The following TMEM168 variants were observed in gnomAD, a reference collection of about 807,000 sequenced individuals.
The protein encoded by TMEM168 is transmembrane protein 168.
TMEM168 carries 40 observed loss-of-function variants against 53.2 expected under a neutral mutation model. That is an observed-to-expected ratio of 0.75 (90% CI 0.58 to 0.98). TMEM168 has a LOEUF of 0.98. Among genes scored for constraint, TMEM168 ranks in the 50% least tolerant of loss-of-function variants. The pLI, the probability that TMEM168 is intolerant of heterozygous loss-of-function variation, is 0.00. For missense variants in TMEM168, 771 were observed against 828.8 expected (o/e 0.93, Z 0.86); for synonymous variants, 282 against 293.0 (o/e 0.96, Z 0.38).
rs1793311849 is a variant in TMEM168, at chr7:112,784,225, C to A, written c.601G>T (p.Ala201Ser). 1 of 1,613,680 alleles carries A rather than the reference C, an allele frequency of 6.2e-7. No homozygotes were observed. Among genetic ancestry groups the A allele is most frequent in the Non-Finnish European group, 8.5e-7 (1 of 1,179,936 alleles). Reference sequence around the variant, plus strand: ...GCAAAAATAACTAAGTTTGGAATAGCTAAGAAAGATTTCATTCTCAGATCA... The same window carrying A: ...GCAAAAATAACTAAGTTTGGAATAGATAAGAAAGATTTCATTCTCAGATCA... Reference protein sequence around the residue: ...IIDLRMKSFLAIPNLVIFAVL... With the variant: ...IIDLRMKSFLSIPNLVIFAVL... Residue 201 changes from alanine to serine, a missense_variant, in exon 2 of 5, where the codon GCT becomes TCT. Coordinates refer to ENST00000312814, the MANE Select transcript of TMEM168 (RefSeq NM_022484.6).
intron 1 of TMEM168, among the ~76,000 whole-genome samples, chr7:112,789,850 C>T (rs1022374266): frequency 1.3e-5 from 2 of 152,378 alleles, no homozygotes; most frequent in Non-Finnish European, 2.9e-5. Flanking sequence ...AGCAATTTCT[C>T]TCCCTTTCGG....
At chr7:112,774,358 C>CA (rs1377014728) in intron 3 of TMEM168, among the ~76,000 whole-genome samples, 6 of 117,278 alleles carry the variant, frequency 5.1e-5, no homozygotes, top group African/African-American at 1.8e-4. Flanking sequence ...AGTGTTTTTA[C>CA]ATTTTTTTTT....
Position 112,767,692 on chromosome 7 carries a change from A to G in TMEM168, c.1599T>C (p.Asn533=). 2 of 1,613,994 alleles carry G rather than the reference A, an allele frequency of 1.2e-6. No homozygotes were observed. The highest frequency in any genetic ancestry group is 1.7e-6 in the Non-Finnish European group (2 of 1,179,978). Residue 533 remains asparagine, a synonymous_variant, in exon 5 of 5, where the codon AAT becomes AAC. Coordinates refer to ENST00000312814, the MANE Select transcript of TMEM168 (RefSeq NM_022484.6). The part of the protein sequence containing the change: ...DTLIEWWREK[N]GSFCSRLIIV... ...TAATAAGCCGGGAACAAAAGGAACC[A>G]TTCTTTTCTCTCCACCATTCTATAA...
chr7:112,780,716 C>A (rs577296903), intron 2 of TMEM168, among the ~76,000 whole-genome samples: 1 of 152,108 alleles, frequency 6.6e-6, no homozygotes, highest in Admixed American at 6.5e-5. Flanking sequence ...AGAGCAAGAC[C>A]CTGTCTCAAA....
intron 4 of TMEM168, among the ~76,000 whole-genome samples, chr7:112,768,942 A>G (rs1434455537): frequency 6.6e-6 from 1 of 152,254 alleles, no homozygotes; most frequent in African/African-American, 2.4e-5. Context: ...TAGAAAAAGC[A>G]TGACAGTACA....
chr7:112,775,752 G>T (rs1227166), intron 2 of TMEM168, among the ~76,000 whole-genome samples: 4,816 of 152,110 alleles, frequency 0.032, 242 homozygotes, highest in African/African-American at 0.11. Context: ...TTAGAAAGGG[G>T]TCATTTTTTC....
intron 1 of TMEM168, among the ~76,000 whole-genome samples, chr7:112,785,715 A>G (rs968501212): frequency 9.9e-5 from 15 of 152,222 alleles, no homozygotes; most frequent in Admixed American, 2.6e-4. Context: ...AATTCTACTT[A>G]AACAAACGTT....
chr7:112,773,387 T>C (rs1488673637), intron 3 of TMEM168, among the ~76,000 whole-genome samples: 1 of 152,098 alleles, frequency 6.6e-6, no homozygotes, highest in African/African-American at 2.4e-5. Flanking sequence ...AAAGCAGGAT[T>C]ACACTGTTTC....
Position 112,762,482 on chromosome 7 carries a change from C to T in TMEM168, c.*4715G>A, listed in dbSNP as rs1366291282. 3 of 152,002 alleles carry T rather than the reference C, an allele frequency of 2.0e-5. No individual in the cohort carries two copies. Among genetic ancestry groups the T allele is most frequent in the African/African-American group, 7.2e-5 (3 of 41,420 alleles). 9.4% of individuals were successfully genotyped at this position (152,002 alleles called of 1,614,324 possible). A position where few individuals can be genotyped will look rare whatever the true frequency, so the allele number is the denominator to read the frequency against. ...ACACTGCTTGTCTAGGAAGCTATGT[C>T]ATACTCATTTGTCCCTTGCACACTG... On this transcript the variant is annotated 3_prime_UTR_variant, in exon 5 of 5. Transcript: ENST00000312814.
rs1792968072 is a variant in TMEM168, at chr7:112,772,961, C to CA, written c.1365dup (p.Ala456CysfsTer6). 1 of 1,613,942 alleles carries CA rather than the reference C, an allele frequency of 6.2e-7. No homozygotes were observed. On this transcript the variant is annotated frameshift_variant, in exon 4 of 5. Transcript: ENST00000312814. LOFTEE classifies it high-confidence loss of function. ...CCATAGGTCTCAATCATATGATATGCAAAAAATCTTTGGATAGCATTGAGC... is the reference window on the plus strand; with the variant it reads ...CCATAGGTCTCAATCATATGATATGCAAAAAAATCTTTGGATAGCATTGAGC...
Position 112,767,300 on chromosome 7 carries a change from C to CA in TMEM168, c.1990dup (p.Trp664LeufsTer8). On this transcript the variant is annotated frameshift_variant, in exon 5 of 5. Transcript: ENST00000312814. LOFTEE classifies it high-confidence loss of function. Reference sequence around the variant, plus strand: ...GCACCTAAAACAAGTTTTGCAGATCCAAAAAAGGTTCAGACCGCATAACCA... The same window carrying CA: ...GCACCTAAAACAAGTTTTGCAGATCCAAAAAAAGGTTCAGACCGCATAACCA... 6.2e-7 allele frequency: 1 copy of CA among 1,614,012 alleles called. No homozygotes were observed. The highest frequency in any genetic ancestry group is 1.1e-5 in the South Asian group (1 of 91,080).
intron 4 of TMEM168, among the ~76,000 whole-genome samples, chr7:112,770,694 T>C (rs1303416204): frequency 6.6e-6 from 1 of 152,190 alleles, no homozygotes; most frequent in Non-Finnish European, 1.5e-5. Flanking sequence ...ACATCTAGAA[T>C]TGATTTCCAT....
chr7:112,780,984 A>G (rs1224262423), intron 2 of TMEM168, among the ~76,000 whole-genome samples: 2 of 151,650 alleles, frequency 1.3e-5, no homozygotes, highest in African/African-American at 4.9e-5. Context: ...CAGATAGTTA[A>G]TATTTTGTTT....
At chr7:112,769,165 A>G (rs1051720854) in intron 4 of TMEM168, among the ~76,000 whole-genome samples, 2 of 152,324 alleles carry the variant, frequency 1.3e-5, no homozygotes, top group East Asian at 1.9e-4. Flanking sequence ...GGATTCTATC[A>G]TATTCTTTAT....
chr7:112,779,781 A>G (rs969065733), intron 2 of TMEM168, among the ~76,000 whole-genome samples: 4 of 152,234 alleles, frequency 2.6e-5, no homozygotes, highest in Non-Finnish European at 5.9e-5. Flanking sequence ...AATTTTTCAG[A>G]TAACAGGAAC....
Position 112,784,456 on chromosome 7 carries a change from T to C in TMEM168, c.370A>G (p.Lys124Glu). Residue 124 changes from lysine to glutamate, a missense_variant, in exon 2 of 5, where the codon AAA becomes GAA. Lys to Glu is a moderately conservative substitution (Grantham distance 56). Transcript: ENST00000312814. The stretch of plus-strand genomic sequence containing the variant: ...ACTATGGATGTTAGAAGCAAATATT[T>C]GGTTGATTCTTCTTTTACATCATTT... ...FKNDVKEEST[K>E]YLLLTSIVLR... The C allele has an allele frequency of 6.2e-7, 1 of 1,614,056 alleles. No homozygotes were observed. Among genetic ancestry groups the C allele is most frequent in the Non-Finnish European group, 8.5e-7 (1 of 1,179,978 alleles).
intron 2 of TMEM168, among the ~76,000 whole-genome samples, chr7:112,776,756 GTTT>G (rs1284683369): frequency 3.5e-5 from 5 of 143,534 alleles, no homozygotes; most frequent in South Asian, 4.4e-4. Flanking sequence ...TCATGTGTAT[GTTT>G]TTTTTTTTTA....
chr7:112,780,805 A>T (rs1718933), intron 2 of TMEM168, among the ~76,000 whole-genome samples: 4,798 of 152,220 alleles, frequency 0.032, 242 homozygotes, highest in African/African-American at 0.11. Context: ...AATGTCTAGG[A>T]ACGGAAAACA....
chr7:112,767,483 A>G lies in TMEM168; in HGVS notation c.1808T>C (p.Ile603Thr). Residue 603 changes from isoleucine to threonine, a missense_variant, in exon 5 of 5, where the codon ATC becomes ACC. By Grantham distance (89) the Ile-to-Thr change is moderately conservative (BLOSUM62 -1). Transcript: ENST00000312814. ...TGTGCGTCCCTTTTCAGTCCAGCAG[A>G]TGTTATTACTGGAGTTGCAGTTATA... The part of the protein sequence containing the change: ...VEYNCNSSNN[I>T]CWTEKGRTVK... 1 of 1,614,144 alleles carries G rather than the reference A, an allele frequency of 6.2e-7. No homozygotes were observed.
Sources: gnomAD v4.1 joint callset for allele counts (sites outside exome capture counted in the v4.1 genomes callset) on GRCh38, gnomAD v4.1.1 for gene constraint, MANE v1.5 for transcripts, NCBI Gene and HGNC (gene_info 2026-07-23, HGNC 2026-07-21) for gene names.